The following GRIK2 variants were observed in gnomAD, a reference collection of about 807,000 sequenced individuals.
The protein encoded by GRIK2 is glutamate receptor ionotropic, kainate 2.
GRIK2 carries 32 observed loss-of-function variants against 100.3 expected under a neutral mutation model. The observed-to-expected ratio is 0.32, with a 90% confidence interval of 0.24 to 0.43. The LOEUF (loss-of-function observed/expected upper bound fraction) is 0.43, where lower values mean the gene tolerates loss of function less well. Ranked by LOEUF, GRIK2 falls within the 20% of genes least tolerant of loss-of-function variation. The pLI is 1.00. For missense variants in GRIK2, 843 were observed against 1,114.9 expected, an observed-to-expected ratio of 0.76 and a Z score of 3.47; for synonymous variants, 417 against 389.4, an observed-to-expected ratio of 1.07 and a Z score of -0.83.
chr6:101,436,510 A>G (rs1769723934), intron 2 of GRIK2, among the ~76,000 whole-genome samples: 2 of 152,012 alleles, frequency 1.3e-5, no homozygotes, highest in Non-Finnish European at 2.9e-5. Context: ...TGTGGTAGAT[A>G]ATTAGGTTTC....
At chr6:101,947,255 T>A (rs1791338361) in intron 14 of GRIK2, among the ~76,000 whole-genome samples, 1 of 152,166 alleles carries the variant, frequency 6.6e-6, no homozygotes, top group Non-Finnish European at 1.5e-5. Flanking sequence ...GTGATTCTTC[T>A]TCCTATTCTC....
At chr6:101,905,065 A>C (rs545501333) in intron 12 of GRIK2, among the ~76,000 whole-genome samples, 1 of 151,758 alleles carries the variant, frequency 6.6e-6, no homozygotes, top group African/African-American at 2.4e-5. Context: ...TTTGGAATAC[A>C]AGTATATAGT....
chr6:101,571,970 T>C (rs1027209161), intron 2 of GRIK2, among the ~76,000 whole-genome samples: 2 of 152,108 alleles, frequency 1.3e-5, no homozygotes, highest in African/African-American at 4.8e-5. Context: ...CACAAAGTAT[T>C]TGAAAGTCTA....
intron 2 of GRIK2, among the ~76,000 whole-genome samples, chr6:101,446,457 G>A (rs938362636): frequency 6.6e-6 from 1 of 151,776 alleles, no homozygotes; most frequent in Non-Finnish European, 1.5e-5. Flanking sequence ...TAGATTTAAA[G>A]TGTCATTGAT....
chr6:101,628,749 A>G (rs1780573185), intron 4 of GRIK2, among the ~76,000 whole-genome samples: 2 of 152,098 alleles, frequency 1.3e-5, no homozygotes, highest in African/African-American at 4.8e-5. Context: ...CAAACATCAT[A>G]TATCCTTATA....
At chr6:101,976,181 G>C (rs1793366864) in intron 14 of GRIK2, among the ~76,000 whole-genome samples, 1 of 151,790 alleles carries the variant, frequency 6.6e-6, no homozygotes, top group Non-Finnish European at 1.5e-5. Flanking sequence ...GAACTCACTG[G>C]GTAACAGTAA....
At chr6:102,031,120 CA>C (rs1562124561) in intron 14 of GRIK2, among the ~76,000 whole-genome samples, 7 of 121,664 alleles carry the variant, frequency 5.8e-5, no homozygotes, top group African/African-American at 2.0e-4. Context: ...CACACACACA[CA>C]CACACACCCC....
intron 14 of GRIK2, among the ~76,000 whole-genome samples, chr6:101,959,568 T>C (rs1792154851): frequency 6.6e-6 from 1 of 152,140 alleles, no homozygotes. Context: ...TTTTTTGTTG[T>C]TCTCAATTTC....
intron 10 of GRIK2, among the ~76,000 whole-genome samples, chr6:101,843,271 T>A (rs534375492): frequency 6.6e-6 from 1 of 152,314 alleles, no homozygotes; most frequent in African/African-American, 2.4e-5. Flanking sequence ...TATATCTGGA[T>A]AGTTTGTCAG....
At chr6:101,667,027 T>C (rs911888023) in intron 4 of GRIK2, among the ~76,000 whole-genome samples, 1 of 152,172 alleles carries the variant, frequency 6.6e-6, no homozygotes, top group Admixed American at 6.6e-5. Context: ...TTTAAAACAT[T>C]TAAATACCTT....
chr6:101,712,666 A>G (rs1773798454), intron 7 of GRIK2, among the ~76,000 whole-genome samples: 1 of 151,848 alleles, frequency 6.6e-6, no homozygotes, highest in Non-Finnish European at 1.5e-5. Flanking sequence ...ATGAGAAAGA[A>G]GATATCAGAG....
chr6:101,497,979 T>C (rs1376238315), intron 2 of GRIK2, among the ~76,000 whole-genome samples: 1 of 150,378 alleles, frequency 6.6e-6, no homozygotes, highest in Non-Finnish European at 1.5e-5. Context: ...AACTCATCAT[T>C]TAGCATTAGG....
rs1778848332 is a variant in GRIK2 at position 101,595,089 on chromosome 6, CTT to C, written c.116-26857_116-26856del. Among the ~76,000 whole-genome samples, 8 of 151,124 alleles carry C rather than the reference CTT, an allele frequency of 5.3e-5. No homozygotes were observed. The South Asian group carries it at 1.5e-3, about 28-fold the overall frequency. On this transcript the variant is annotated intron_variant, in intron 2 of 16. Transcript: ENST00000369134. The stretch of plus-strand genomic sequence containing the variant: ...TAGGCATTCATAGACTTTTCAATAA[CTT>C]TTAAAATTCTAAAAAGTTTAGAATA...
chr6:101,799,277 TTGTGTGTGTG>T lies in GRIK2; in HGVS notation c.952-351_952-342del, dbSNP rs58920833. Among the ~76,000 whole-genome samples the T allele has an allele frequency of 7.6e-4, 111 of 146,642 alleles. 1 individual carries two copies. The highest frequency in any genetic ancestry group is 2.6e-3 in the East Asian group (13 of 4,978). Reference sequence around the variant, plus strand: ...ATTAAAAATGTTAGCAATGTACTCATTGTGTGTGTGTGTGTGTGTGTGTGTGTGTATAAGT... The same window carrying T: ...ATTAAAAATGTTAGCAATGTACTCATTGTGTGTGTGTGTGTGTGTATAAGT... On this transcript the variant is annotated intron_variant, in intron 7 of 16. Coordinates refer to ENST00000369134, the MANE Select transcript of GRIK2 (RefSeq NM_021956.5).
At chr6:101,997,764 T>G (rs1047877775) in intron 14 of GRIK2, among the ~76,000 whole-genome samples, 4 of 152,100 alleles carry the variant, frequency 2.6e-5, no homozygotes, top group African/African-American at 7.2e-5. Flanking sequence ...TTTTTTCTAT[T>G]TAGCTCCACT....
At chr6:101,914,030 A>G (rs1438570754) in intron 12 of GRIK2, among the ~76,000 whole-genome samples, 1 of 151,560 alleles carries the variant, frequency 6.6e-6, no homozygotes, top group Non-Finnish European at 1.5e-5. Flanking sequence ...CAAAAGAGAT[A>G]TAGGTGAGAG....
At position 101,760,561 on chromosome 6, in the gene GRIK2, T is replaced by C. The variant is rs1435477828; in HGVS notation, c.952-39087T>C. 7.9e-4 allele frequency among the ~76,000 whole-genome samples: 76 copies of C among 96,476 alleles called. 2 individuals are homozygous for C. Among genetic ancestry groups the C allele is most frequent in the African/African-American group, 3.5e-3 (71 of 20,540 alleles). The allele number at this position is 96,476 out of a possible 152,430, so 63.3% of individuals were successfully genotyped here. On this transcript the variant is annotated intron_variant, in intron 7 of 16. Coordinates refer to ENST00000369134, the MANE Select transcript of GRIK2 (RefSeq NM_021956.5). ...TAATTATATATTTATTATATATAAT[T>C]AATTATATTTAATTAATTATATATA...
intron 14 of GRIK2, among the ~76,000 whole-genome samples, chr6:101,962,760 A>G (rs1792382200): frequency 6.6e-6 from 1 of 152,128 alleles, no homozygotes; most frequent in African/African-American, 2.4e-5. Context: ...AATTAACATT[A>G]TTAAACTAGA....
chr6:101,686,917 T>C (rs957368204), intron 7 of GRIK2, among the ~76,000 whole-genome samples: 24 of 152,090 alleles, frequency 1.6e-4, no homozygotes, highest in African/African-American at 5.5e-4. Context: ...TATAACTTAG[T>C]TGTTTATGCC....
Sources: gnomAD v4.1 joint callset for allele counts (sites outside exome capture counted in the v4.1 genomes callset) on GRCh38, gnomAD v4.1.1 for gene constraint, MANE v1.5 for transcripts, NCBI Gene and HGNC (gene_info 2026-07-23, HGNC 2026-07-21) for gene names.